Variants in RYR2 observed in about 807,000 individuals in gnomAD.
The protein encoded by RYR2 is cardiac muscle ryanodine receptor-calcium release channel.
In RYR2, 227 loss-of-function variants were observed where a neutral mutation model predicts 601.1. The observed-to-expected ratio is 0.38, with a 90% confidence interval of 0.34 to 0.42. The LOEUF (loss-of-function observed/expected upper bound fraction) is 0.42, where lower values mean the gene tolerates loss of function less well. Among genes scored for constraint, RYR2 ranks in the 10% least tolerant of loss-of-function variants. RYR2 has a pLI of 1.00. For synonymous variants in RYR2, 2,223 were observed against 2,175.1 expected (o/e 1.02, Z -0.61); for missense variants, 4,646 against 6,156.5 (o/e 0.75, Z 8.21).
At chr1:237,446,666 T>A (rs1708367975) in intron 14 of RYR2, among the ~76,000 whole-genome samples, 1 of 152,184 alleles carries the variant, frequency 6.6e-6, no homozygotes, top group Non-Finnish European at 1.5e-5. Context: ...TATGTGTGTG[T>A]GCCTGTATGT....
intron 65 of RYR2, among the ~76,000 whole-genome samples, chr1:237,701,053 G>T (rs1023955210): frequency 6.6e-6 from 1 of 152,150 alleles, no homozygotes; most frequent in African/African-American, 2.4e-5. Context: ...AAATACGCAT[G>T]AGCTGTTTGA....
chr1:237,791,921 T>A, intron 93 of RYR2, 184 bp from the exon 94 acceptor site: 1 of 598,968 alleles, frequency 1.7e-6, no homozygotes, highest in Non-Finnish European at 2.9e-6. Flanking sequence ...ATTTTAAAAG[T>A]ATGTTCATTA....
chr1:237,384,480 C>T (rs746981033), intron 8 of RYR2, among the ~76,000 whole-genome samples: 1 of 152,230 alleles, frequency 6.6e-6, no homozygotes. Context: ...TTGTCTTCAA[C>T]ACATTCCCCT....
intron 1 of RYR2, among the ~76,000 whole-genome samples, chr1:237,220,593 C>G (rs954303344): frequency 6.6e-6 from 1 of 152,164 alleles, no homozygotes; most frequent in Non-Finnish European, 1.5e-5. Context: ...TTCTGTTTCT[C>G]GGGAGACACC....
intron 24 of RYR2, among the ~76,000 whole-genome samples, chr1:237,512,025 C>T (rs1665968321): frequency 6.6e-6 from 1 of 151,958 alleles, no homozygotes; most frequent in South Asian, 2.1e-4. Context: ...AAAGGGTGTC[C>T]TACAGGTGTA....
At chr1:237,534,269 T>C (rs183042892) in intron 25 of RYR2, among the ~76,000 whole-genome samples, 151 of 152,132 alleles carry the variant, frequency 9.9e-4, no homozygotes, top group African/African-American at 3.2e-3. Context: ...ACAAGCATCA[T>C]GCTATAACTA....
At position 237,447,552 on chromosome 1, in the gene RYR2, A is replaced by G. The variant is rs1572371303; in HGVS notation, c.1292+2030A>G. ...TGTCATGATAAAATAGGATGGTTAC[A>G]TTAACCCCTATTAACTATGAAAAGA... is the stretch of plus-strand genomic sequence containing the variant. On this transcript the variant is annotated intron_variant, in intron 14 of 104. Coordinates refer to ENST00000366574, the MANE Select transcript of RYR2 (RefSeq NM_001035.3). Among the ~76,000 whole-genome samples the G allele has an allele frequency of 2.0e-5, 3 of 152,174 alleles. No homozygotes were observed. In the South Asian group the frequency reaches 6.2e-4, roughly 32 times the overall value.
intron 35 of RYR2, among the ~76,000 whole-genome samples, chr1:237,603,128 G>A (rs1282606456): frequency 6.6e-6 from 1 of 152,170 alleles, no homozygotes; most frequent in African/African-American, 2.4e-5. Context: ...CTCTCTTAAG[G>A]TAGCCAAATG....
At chr1:237,252,434 C>G (rs1687551474) in intron 1 of RYR2, among the ~76,000 whole-genome samples, 1 of 152,122 alleles carries the variant, frequency 6.6e-6, no homozygotes. Flanking sequence ...AATATATCCA[C>G]CTTGATCCTT....
intron 27 of RYR2, among the ~76,000 whole-genome samples, chr1:237,564,005 A>T (rs1671717574): frequency 6.6e-6 from 1 of 152,176 alleles, no homozygotes; most frequent in Admixed American, 6.5e-5. Flanking sequence ...GCATACTAGA[A>T]TGTAATGTAA....
intron 100 of RYR2, among the ~76,000 whole-genome samples, chr1:237,817,827 A>T (rs1112440): frequency 0.055 from 8,419 of 152,268 alleles, 751 homozygotes; most frequent in African/African-American, 0.19. Flanking sequence ...TTTTGTCCCC[A>T]TCATTCTGGT....
rs117703601 is a variant in RYR2 at position 237,219,708 on chromosome 1, G to A, written c.49-50789G>A. Among the ~76,000 whole-genome samples the A allele has an allele frequency of 4.0e-3, 611 of 152,284 alleles. 30 individuals carry two copies. The East Asian group carries it at 0.09, about 22-fold the overall frequency. Reference sequence around the variant, plus strand: ...GAAGACTTAATTTCCTCCTGGATAAGTGGAGATGATAACACTTTCCTAACA... The same window carrying A: ...GAAGACTTAATTTCCTCCTGGATAAATGGAGATGATAACACTTTCCTAACA... On this transcript the variant is annotated intron_variant, in intron 1 of 104. Transcript: ENST00000366574.
chr1:237,804,466 C>T (rs369357100), intron 98 of RYR2, among the ~76,000 whole-genome samples: 58 of 151,738 alleles, frequency 3.8e-4, no homozygotes, highest in Non-Finnish European at 7.2e-4. Flanking sequence ...TGAAGGTGTC[C>T]GCCGCTTCCC....
At chr1:237,677,422 A>G (rs577462339) in intron 60 of RYR2, among the ~76,000 whole-genome samples, 1 of 152,322 alleles carries the variant, frequency 6.6e-6, no homozygotes, top group Non-Finnish European at 1.5e-5. Context: ...ACCATGGGGA[A>G]AACTTGGGTG....
intron 29 of RYR2, among the ~76,000 whole-genome samples, chr1:237,572,139 C>G (rs1273295501): frequency 6.6e-6 from 1 of 152,124 alleles, no homozygotes. Context: ...CTACCTGTCT[C>G]CCTTTCTCTG....
rs1663996810 is a variant in RYR2, at chr1:237,833,186, TTTC to T, written c.*542_*544del. The T allele has an allele frequency of 6.6e-6, 1 of 152,172 alleles. No individual in the cohort carries two copies. The highest frequency in any genetic ancestry group is 1.5e-5 in the Non-Finnish European group (1 of 67,946). 9.4% of individuals were successfully genotyped at this position (152,172 alleles called of 1,614,324 possible). ...CATCTTTATTTTCTTTATGTCGACC[TTTC>T]TTTTCTTAGATTGATTTTGTGAGGT... On this transcript the variant is annotated 3_prime_UTR_variant, in exon 105 of 105. Transcript: ENST00000366574.
intron 92 of RYR2, 102 bp from the exon 93 acceptor site, chr1:237,791,327 G>A (rs1212025363): frequency 3.9e-5 from 27 of 700,124 alleles, no homozygotes; most frequent in Non-Finnish European, 6.2e-5. Flanking sequence ...GTAGGCTTGC[G>A]ATCAATTGTT....
chr1:237,466,736 T>C (rs1225289727), intron 16 of RYR2, among the ~76,000 whole-genome samples: 2 of 152,098 alleles, frequency 1.3e-5, no homozygotes, highest in African/African-American at 4.8e-5. Context: ...AATTAAAGTG[T>C]TTATTTAATT....
At chr1:237,478,426 T>C (rs964303867) in intron 17 of RYR2, among the ~76,000 whole-genome samples, 1 of 152,194 alleles carries the variant, frequency 6.6e-6, no homozygotes, top group Non-Finnish European at 1.5e-5. Flanking sequence ...CTTATTAAAT[T>C]AAATGTATAA....
Sources: allele counts gnomAD v4.1 joint callset (sites outside exome capture counted in the v4.1 genomes callset), GRCh38; gene constraint gnomAD v4.1.1; transcripts MANE v1.5; gene names NCBI Gene and HGNC (gene_info 2026-07-23, HGNC 2026-07-21).